Variants in PFKP observed in about 807,000 individuals in gnomAD.
PFKP encodes ATP-dependent 6-phosphofructokinase, platelet type.
A neutral mutation model predicts 94.3 loss-of-function variants in PFKP; 101 were observed. That is an observed-to-expected ratio of 1.07 (90% CI 0.91 to 1.26). The LOEUF is 1.26. Among genes scored for constraint, PFKP ranks in the 50% most tolerant of loss-of-function variants. The probability of loss-of-function intolerance (pLI) is 0.00; values close to 1 mark genes in which losing one functional copy is unlikely to be tolerated. For synonymous variants in PFKP, 573 were observed against 432.6 expected (o/e 1.32, Z -4.03); for missense variants, 1,145 against 1,103.3 (o/e 1.04, Z -0.53).
rs1588586638 is a variant in PFKP at position 3,134,671 on chromosome 10, T to G, written c.2122+89T>G. 4 of 815,372 alleles carry G rather than the reference T, an allele frequency of 4.9e-6. No homozygotes were observed. The East Asian group carries it at 7.3e-5, about 15-fold the overall frequency. 50.5% of individuals were successfully genotyped at this position (815,372 alleles called of 1,614,324 possible). A position where few individuals can be genotyped will look rare whatever the true frequency, so the allele number is the denominator to read the frequency against. On this transcript the variant is annotated intron_variant, in intron 20 of 21. Coordinates refer to ENST00000381125, the MANE Select transcript of PFKP (RefSeq NM_002627.5). Reference sequence around the variant, plus strand: ...GCTGTCCTATCGGGGAGAAGTAGGGTGCTGGTTCCTTCTTCAGTTCAGTAC... The same window carrying G: ...GCTGTCCTATCGGGGAGAAGTAGGGGGCTGGTTCCTTCTTCAGTTCAGTAC...
intron 2 of PFKP, among the ~76,000 whole-genome samples, chr10:3,087,715 T>G (rs915825829): frequency 2.0e-5 from 3 of 152,178 alleles, no homozygotes; most frequent in Non-Finnish European, 2.9e-5. Context: ...ATCAGCTCAT[T>G]TGAGCCCAAA....
intron 1 of PFKP, among the ~76,000 whole-genome samples, chr10:3,080,516 C>CAAAAAAAAAAA (rs869281524): frequency 1.5e-5 from 1 of 68,666 alleles, no homozygotes; most frequent in Non-Finnish European, 2.5e-5. Flanking sequence ...GACTCCGTCT[C>CAAAAAAAAAAA]AAAAAAAAAA....
intron 17 of PFKP, among the ~76,000 whole-genome samples, chr10:3,131,229 G>T (rs1036493101): frequency 4.6e-5 from 7 of 152,122 alleles, no homozygotes; most frequent in Non-Finnish European, 1.0e-4. Flanking sequence ...CAGACATTCA[G>T]GTTTGTAGCC....
At chr10:3,115,237 C>CGGAGGA (rs1343193507) in intron 13 of PFKP, among the ~76,000 whole-genome samples, 1 of 145,052 alleles carries the variant, frequency 6.9e-6, no homozygotes, top group African/African-American at 2.5e-5. Flanking sequence ...TGTCCCACGG[C>CGGAGGA]CGAGGACAGG....
rs143755234 is a variant in PFKP, at chr10:3,090,093, A to G, written c.186+7632A>G. On this transcript the variant is annotated intron_variant, in intron 2 of 21. Coordinates refer to ENST00000381125, the MANE Select transcript of PFKP (RefSeq NM_002627.5). Reference sequence around the variant, plus strand: ...GGATTCATTCTTTTTTATTGGCTGAATAATATTCCATTGTGTATCAAGATG... The same window carrying G: ...GGATTCATTCTTTTTTATTGGCTGAGTAATATTCCATTGTGTATCAAGATG... Among the ~76,000 whole-genome samples the G allele has an allele frequency of 8.9e-3, 1,353 of 152,334 alleles. 13 individuals carry two copies. The highest frequency in any genetic ancestry group is 0.035 in the South Asian group (170 of 4,830).
intron 1 of PFKP, among the ~76,000 whole-genome samples, chr10:3,073,516 CCCTGGGG>C (rs1164362881): frequency 6.6e-6 from 1 of 151,820 alleles, no homozygotes; most frequent in African/African-American, 2.4e-5. Flanking sequence ...CTGCTGGACC[CCCTGGGG>C]CCAGTGGAGC....
chr10:3,071,435 T>G (rs891192131), intron 1 of PFKP, among the ~76,000 whole-genome samples: 1 of 104,670 alleles, frequency 9.6e-6, no homozygotes, highest in African/African-American at 2.6e-5. Context: ...CTGTTTTTTT[T>G]TTTTTTTTTT....
intron 16 of PFKP, among the ~76,000 whole-genome samples, chr10:3,128,646 T>C (rs2279204): frequency 0.078 from 10,896 of 139,246 alleles, 576 homozygotes; most frequent in East Asian, 0.28. Flanking sequence ...CGCCTCCTCC[T>C]TCCATGTGGG....
At chr10:3,098,036 TA>T (rs1834635474) in intron 2 of PFKP, among the ~76,000 whole-genome samples, 1 of 152,090 alleles carries the variant, frequency 6.6e-6, no homozygotes, top group Admixed American at 6.5e-5. Context: ...AACACACATA[TA>T]TATATAATAT....
chr10:3,117,213 C>T (rs1836923034), intron 14 of PFKP, among the ~76,000 whole-genome samples: 1 of 152,150 alleles, frequency 6.6e-6, no homozygotes, highest in Admixed American at 6.5e-5. Context: ...GCCTGGATAG[C>T]AGGTAGCATT....
rs1161364572 is a variant in PFKP at position 3,103,875 on chromosome 10, C to T, written c.551C>T (p.Thr184Ile). The change falls in exon 5 of 22, where the codon ACC becomes ATC. Residue 184 changes from threonine to isoleucine, a missense_variant. Thr to Ile is a moderately conservative substitution (Grantham distance 89, BLOSUM62 -1). Around this residue, in one of 3 missense-constraint regions of PFKP, gnomAD observed 1,119 missense variants for 1,062.8 expected, o/e 1.05. Coordinates refer to ENST00000381125, the MANE Select transcript of PFKP (RefSeq NM_002627.5). ...IDNDFCGTDM[T>I]IGTDSALHRI... ...AATGATTTCTGCGGCACCGACATGACCATCGGCACGGACTCCGCCCTGCAC... is the reference window on the plus strand; with the variant it reads ...AATGATTTCTGCGGCACCGACATGATCATCGGCACGGACTCCGCCCTGCAC... The T allele has an allele frequency of 6.2e-7, 1 of 1,614,014 alleles. No homozygotes were observed. The highest frequency in any genetic ancestry group is 8.5e-7 in the Non-Finnish European group (1 of 1,180,028).
intron 2 of PFKP, among the ~76,000 whole-genome samples, chr10:3,096,075 G>A (rs908723312): frequency 6.6e-6 from 1 of 152,172 alleles, no homozygotes; most frequent in African/African-American, 2.4e-5. Flanking sequence ...TACTACTCCA[G>A]AAGCAAGAGG....
Position 3,079,428 on chromosome 10 carries a change from G to A in PFKP, c.113-2960G>A, listed in dbSNP as rs372967180. Among the ~76,000 whole-genome samples, 362 of 152,060 alleles carry A rather than the reference G, an allele frequency of 2.4e-3. 2 individuals carry two copies. Among genetic ancestry groups the A allele is most frequent in the Admixed American group, 6.6e-3 (101 of 15,274 alleles). On this transcript the variant is annotated intron_variant, in intron 1 of 21. Transcript: ENST00000381125. ...TTTTTGTATTTTTAGTAGAGACGGG[G>A]TTTCACCATGTTAGCCAGGATGGTC...
rs376621815 is a variant in PFKP, at chr10:3,132,443, TGA to T, written c.1910+13_1910+14del. The stretch of plus-strand genomic sequence containing the variant: ...CATCCAGAGAGGCCTTGTGCTCAGG[TGA>T]GAGAGAGAGACCAGGGGCTGATCTT... On this transcript the variant is annotated splice_donor_region_variant and intron_variant, in intron 18 of 21. Coordinates refer to ENST00000381125, the MANE Select transcript of PFKP (RefSeq NM_002627.5). The T allele has an allele frequency of 1.4e-4, 218 of 1,601,132 alleles. No individual in the cohort carries two copies. The highest frequency in any genetic ancestry group is 1.6e-4 in the Non-Finnish European group (191 of 1,168,840).
Position 3,119,907 on chromosome 10 carries a change from C to G in PFKP, c.1546C>G (p.Leu516Val), listed in dbSNP as rs377404730. The change falls in exon 16 of 22, where the codon CTG becomes GTG. Residue 516 changes from leucine (L) to valine (V), a missense_variant. Around this residue, in one of 3 missense-constraint regions of PFKP, gnomAD observed 1,119 missense variants for 1,062.8 expected, o/e 1.05. Transcript: ENST00000381125. ...IGGFEAYLGL[L>V]ELSAAREKHE... Reference sequence around the variant, plus strand: ...TGTCTGACAGGCCTACCTGGGACTCCTGGAGCTGTCAGCCGCCCGGGAGAA... The same window carrying G: ...TGTCTGACAGGCCTACCTGGGACTCGTGGAGCTGTCAGCCGCCCGGGAGAA... 53 of 1,614,066 alleles carry G rather than the reference C, an allele frequency of 3.3e-5. No homozygotes were observed. The highest frequency in any genetic ancestry group is 4.2e-5 in the Non-Finnish European group (49 of 1,180,042).
chr10:3,129,602 C>G (rs1310889486), intron 16 of PFKP: 1 of 560,928 alleles, frequency 1.8e-6, no homozygotes, highest in Non-Finnish European at 3.1e-6. Flanking sequence ...GAGGTCACCT[C>G]CAGGTGGCTG....
intron 1 of PFKP, among the ~76,000 whole-genome samples, chr10:3,081,056 A>G (rs565335905): frequency 4.1e-4 from 62 of 152,348 alleles, no homozygotes; most frequent in African/African-American, 1.4e-3. Context: ...GTTATAAGCT[A>G]GGTTTGAATA....
intron 3 of PFKP, 125 bp from the exon 4 acceptor site, chr10:3,101,240 C>A: frequency 1.2e-6 from 1 of 843,626 alleles, no homozygotes; most frequent in Non-Finnish European, 1.8e-6. Flanking sequence ...TAGTTACTAA[C>A]TCACAAGATG....
In PFKP at chr10:3,096,983, T is replaced by G. The variant is rs1394666596; in HGVS notation, c.187-2292T>G. ...GTCCCAGCTACTAAGGAGGCTGAGG[T>G]GGGAGAATGGCAGGAACCCGGGAGG... is the stretch of plus-strand genomic sequence containing the variant. On this transcript the variant is annotated intron_variant, in intron 2 of 21. Coordinates refer to ENST00000381125, the MANE Select transcript of PFKP (RefSeq NM_002627.5). Among the ~76,000 whole-genome samples, 54 of 110,884 alleles carry G rather than the reference T, an allele frequency of 4.9e-4. 15 individuals carry two copies. In the Middle Eastern group the frequency reaches 0.021, roughly 43 times the overall value. 72.7% of individuals were successfully genotyped at this position (110,884 alleles called of 152,430 possible). A position where few individuals can be genotyped will look rare whatever the true frequency, so the allele number is the denominator to read the frequency against.
Sources: allele counts gnomAD v4.1 joint callset (sites outside exome capture counted in the v4.1 genomes callset), GRCh38; gene constraint gnomAD v4.1.1; regional missense constraint gnomAD v4.1.1; transcripts MANE v1.5; gene names NCBI Gene and HGNC (gene_info 2026-07-23, HGNC 2026-07-21).